The following KIRREL3 variants were observed in gnomAD, a reference collection of about 807,000 sequenced individuals.
The protein encoded by KIRREL3 is kin of IRRE-like protein 3.
KIRREL3 carries 36 observed loss-of-function variants against 89.7 expected under a neutral mutation model. The observed-to-expected ratio is 0.40, with a 90% CI of 0.31 to 0.53. KIRREL3 has a LOEUF of 0.53. KIRREL3 is among the 20% of genes least tolerant of loss of function. The pLI is 0.49. For missense variants in KIRREL3, 864 were observed against 1,056.6 expected, an observed-to-expected ratio of 0.82 and a Z score of 2.53; for synonymous variants, 445 against 441.4, an observed-to-expected ratio of 1.01 and a Z score of -0.10.
Position 126,987,618 on chromosome 11 carries a change from G to T in KIRREL3, c.55+12837C>A, listed in dbSNP as rs1591430917. 6.6e-6 allele frequency among the ~76,000 whole-genome samples: 1 copy of T among 152,174 alleles called. No individual in the cohort carries two copies. The highest frequency in any genetic ancestry group is 1.5e-5 in the Non-Finnish European group (1 of 68,030). ...GCTCATGCCCAGAGAAAGGAGCATT[G>T]ATATGGATTTGGAACCCAGGCATCA... On this transcript the variant is annotated intron_variant, in intron 1 of 16. Transcript: ENST00000525144. The surrounding 1 kb of genome is among the most constrained non-coding windows in gnomAD (Gnocchi z 4.6).
chr11:126,607,101 C>T lies in KIRREL3; in HGVS notation c.56-44189G>A, dbSNP rs558826738. On this transcript the variant is annotated intron_variant, in intron 1 of 16. Coordinates refer to ENST00000525144, the MANE Select transcript of KIRREL3 (RefSeq NM_032531.4). The surrounding 1 kb of genome is among the most constrained non-coding windows in gnomAD (Gnocchi z 6.6). ...GCCAAGAACCAACCACAGGGCTTGT[C>T]GTGGGGCTTATGAGTAGCTAGGGCC... 6.6e-6 allele frequency among the ~76,000 whole-genome samples: 1 copy of T among 152,252 alleles called. No individual in the cohort carries two copies. Among genetic ancestry groups the T allele is most frequent in the South Asian group, 2.1e-4 (1 of 4,818 alleles).
At chr11:126,887,197 T>A (rs576054127) in intron 1 of KIRREL3, among the ~76,000 whole-genome samples, 1 of 152,314 alleles carries the variant, frequency 6.6e-6, no homozygotes, top group African/African-American at 2.4e-5. Context: ...TGAGGTATCA[T>A]GTCATCTGCA....
rs1423194162 is a variant in KIRREL3, at chr11:126,450,378, CATGTGTGAGTGTGGGT to C, written c.849-1237_849-1222del. 6.4e-4 allele frequency among the ~76,000 whole-genome samples: 85 copies of C among 132,096 alleles called. No homozygotes were observed. In the East Asian group the frequency reaches 7.0e-3, roughly 11 times the overall value. 86.7% of individuals were successfully genotyped at this position (132,096 alleles called of 152,430 possible). ...GTGCATGTGTGCATGTGTGAGTGTG[CATGTGTGAGTGTGGGT>C]ATGTGTGAGTGTGTGCATGTGTGAG... On this transcript the variant is annotated intron_variant, in intron 7 of 16. Transcript: ENST00000525144.
chr11:126,572,706 G>T (rs1000428604), intron 1 of KIRREL3, among the ~76,000 whole-genome samples: 51 of 152,302 alleles, frequency 3.3e-4, no homozygotes, highest in African/African-American at 1.2e-3. Context: ...AGGCAGGGAG[G>T]TGGGGTGAGG....
rs755778195 is a variant in KIRREL3 at position 126,802,281 on chromosome 11, G to A, written c.55+198174C>T. Among the ~76,000 whole-genome samples the A allele has an allele frequency of 1.3e-5, 2 of 152,256 alleles. No individual in the cohort carries two copies. The highest frequency in any genetic ancestry group is 6.8e-3 in the Middle Eastern group (2 of 294). On this transcript the variant is annotated intron_variant, in intron 1 of 16. Coordinates refer to ENST00000525144, the MANE Select transcript of KIRREL3 (RefSeq NM_032531.4). The surrounding 1 kb of genome is among the most constrained non-coding windows in gnomAD (Gnocchi z 5.2). The stretch of plus-strand genomic sequence containing the variant: ...TCCAGGTGGAGTGGGCCATGGTCAA[G>A]GCAGGTGGGGGCAGAAACAAAGGAA...
In KIRREL3 at chr11:126,990,668, CCTCA is replaced by C. The variant is rs1950011286; in HGVS notation, c.55+9783_55+9786del. ...GCTCCTCTCTGCCTCCGCAGTTGCC[CCTCA>C]CTCAGGTGCAGCTTCCTATGTAAGA... is the stretch of plus-strand genomic sequence containing the variant. On this transcript the variant is annotated intron_variant, in intron 1 of 16. Coordinates refer to ENST00000525144, the MANE Select transcript of KIRREL3 (RefSeq NM_032531.4). The surrounding 1 kb of genome is among the most constrained non-coding windows in gnomAD (Gnocchi z 6.3). 5.3e-5 allele frequency among the ~76,000 whole-genome samples: 8 copies of C among 152,330 alleles called. No homozygotes were observed. In the South Asian group the frequency reaches 1.7e-3, roughly 32 times the overall value.
chr11:126,582,813 T>G (rs1254749480), intron 1 of KIRREL3, among the ~76,000 whole-genome samples: 2 of 94,996 alleles, frequency 2.1e-5, no homozygotes, highest in Non-Finnish European at 4.6e-5. Context: ...ACTGACGTAT[T>G]GAAGAAGTAC....
rs1948542127 is a variant in KIRREL3, at chr11:126,729,833, C to A, written c.56-166921G>T. On this transcript the variant is annotated intron_variant, in intron 1 of 16. Coordinates refer to ENST00000525144, the MANE Select transcript of KIRREL3 (RefSeq NM_032531.4). This position sits in a 1 kb window ranked among gnomAD's most constrained non-coding sequence, Gnocchi z 4.5. ...CACTAAGAGCACACCATGTTTGCTG[C>A]TTTTAACTGTTTCCAAATCCTTCTA... Among the ~76,000 whole-genome samples, 2 of 152,152 alleles carry A rather than the reference C, an allele frequency of 1.3e-5. No individual in the cohort carries two copies. The highest frequency in any genetic ancestry group is 4.8e-5 in the African/African-American group (2 of 41,410).
At chr11:126,859,537 C>T (rs1394999461) in intron 1 of KIRREL3, among the ~76,000 whole-genome samples, 11 of 152,120 alleles carry the variant, frequency 7.2e-5, no homozygotes, top group Admixed American at 7.2e-4. Context: ...GAGGAGGGGA[C>T]CCCCAAACTA....
At position 126,563,039 on chromosome 11, in the gene KIRREL3, T is replaced by C. The variant is rs1453867316; in HGVS notation, c.56-127A>G. 2.8e-5 allele frequency: 16 copies of C among 575,526 alleles called. 1 individual carries two copies. The East Asian group carries it at 4.6e-4, about 16-fold the overall frequency. 35.7% of individuals were successfully genotyped at this position (575,526 alleles called of 1,614,324 possible). A position where few individuals can be genotyped will look rare whatever the true frequency, so the allele number is the denominator to read the frequency against. Reference sequence around the variant, plus strand: ...AGAGGTGCTTTTGTTTAGCCAACATTTATATGGAAATTGTTATGTTCCAGG... The same window carrying C: ...AGAGGTGCTTTTGTTTAGCCAACATCTATATGGAAATTGTTATGTTCCAGG... On this transcript the variant is annotated intron_variant, in intron 1 of 16. Transcript: ENST00000525144. The surrounding 1 kb of genome is among the most constrained non-coding windows in gnomAD (Gnocchi z 6.8).
chr11:126,794,089 C>T (rs561848349), intron 1 of KIRREL3, among the ~76,000 whole-genome samples: 18 of 152,168 alleles, frequency 1.2e-4, no homozygotes, highest in African/African-American at 2.9e-4. Context: ...TGCTTTCTTA[C>T]GTTATTTAAA....
Position 126,526,788 on chromosome 11 carries a change from T to C in KIRREL3, c.134-101A>G. ...GCAGAGCAGGGCTGGCGCAGGAGAC[T>C]GAGCCTCCTGAAGCACCTGGCTTTC... On this transcript the variant is annotated intron_variant, in intron 2 of 16. Coordinates refer to ENST00000525144, the MANE Select transcript of KIRREL3 (RefSeq NM_032531.4). This position sits in a 1 kb window ranked among gnomAD's most constrained non-coding sequence, Gnocchi z 5.7. 6.2e-6 allele frequency: 8 copies of C among 1,287,006 alleles called. No individual in the cohort carries two copies. The highest frequency in any genetic ancestry group is 8.6e-6 in the Non-Finnish European group (8 of 930,090). The allele number at this position is 1,287,006 out of a possible 1,614,324, so 79.7% of individuals were successfully genotyped here.
At chr11:126,930,993 C>T (rs895587927) in intron 1 of KIRREL3, among the ~76,000 whole-genome samples, 3 of 152,216 alleles carry the variant, frequency 2.0e-5, no homozygotes, top group African/African-American at 7.2e-5. Flanking sequence ...TCGGTTCCCT[C>T]TGCCAGAATT....
At chr11:126,786,122 T>C (rs1445228040) in intron 1 of KIRREL3, among the ~76,000 whole-genome samples, 2 of 151,772 alleles carry the variant, frequency 1.3e-5, no homozygotes, top group Non-Finnish European at 2.9e-5. Flanking sequence ...TAAATCATGG[T>C]TCATAGACTT....
At position 126,981,702 on chromosome 11, in the gene KIRREL3, T is replaced by C. The variant is rs181169389; in HGVS notation, c.55+18753A>G. On this transcript the variant is annotated intron_variant, in intron 1 of 16. Coordinates refer to ENST00000525144, the MANE Select transcript of KIRREL3 (RefSeq NM_032531.4). The surrounding 1 kb of genome is among the most constrained non-coding windows in gnomAD (Gnocchi z 4.2). ...GGCTTTTATCAATGCACCCCCATCCTTGGAGTAGGTTCCTGAGCTTGGTGC... is the reference window on the plus strand; with the variant it reads ...GGCTTTTATCAATGCACCCCCATCCCTGGAGTAGGTTCCTGAGCTTGGTGC... Among the ~76,000 whole-genome samples, 28 of 152,294 alleles carry C rather than the reference T, an allele frequency of 1.8e-4. No individual in the cohort carries two copies. Among genetic ancestry groups the C allele is most frequent in the Middle Eastern group, 6.8e-3 (2 of 294 alleles).
intron 1 of KIRREL3, among the ~76,000 whole-genome samples, chr11:126,619,800 CTTAAG>C (rs1474782196): frequency 1.3e-5 from 2 of 152,180 alleles, no homozygotes; most frequent in African/African-American, 4.8e-5. Flanking sequence ...TCAAGAATTA[CTTAAG>C]TTATTTTTCG....
Position 126,486,301 on chromosome 11 carries a change from G to A in KIRREL3, c.434-12835C>T. Among the ~76,000 whole-genome samples, 1 of 152,168 alleles carries A rather than the reference G, an allele frequency of 6.6e-6. No individual in the cohort carries two copies. Among genetic ancestry groups the A allele is most frequent in the Non-Finnish European group, 1.5e-5 (1 of 68,032 alleles). ...AGAAGGGACAGTGGGGTGGGGGAGTGCATCAAACTGGAGAGAGGAAGGGGT... is the reference window on the plus strand; with the variant it reads ...AGAAGGGACAGTGGGGTGGGGGAGTACATCAAACTGGAGAGAGGAAGGGGT... On this transcript the variant is annotated intron_variant, in intron 4 of 16. Coordinates refer to ENST00000525144, the MANE Select transcript of KIRREL3 (RefSeq NM_032531.4). The surrounding 1 kb of genome is among the most constrained non-coding windows in gnomAD (Gnocchi z 6.2).
At chr11:126,858,986 G>A (rs1400523579) in intron 1 of KIRREL3, among the ~76,000 whole-genome samples, 2 of 152,206 alleles carry the variant, frequency 1.3e-5, no homozygotes, top group Non-Finnish European at 2.9e-5. Flanking sequence ...GCCGCTGAGG[G>A]ATGAGGACTC....
rs892010292 is a variant in KIRREL3, at chr11:126,892,852, C to T, written c.55+107603G>A. ...CTCAAGAGAGGACAAAAGAGAGGCT[C>T]GGGTAGAGCTTATCTAGTGGATGAA... is the stretch of plus-strand genomic sequence containing the variant. On this transcript the variant is annotated intron_variant, in intron 1 of 16. Coordinates refer to ENST00000525144, the MANE Select transcript of KIRREL3 (RefSeq NM_032531.4). This position sits in a 1 kb window ranked among gnomAD's most constrained non-coding sequence, Gnocchi z 5.4. Among the ~76,000 whole-genome samples, 2 of 152,164 alleles carry T rather than the reference C, an allele frequency of 1.3e-5. No individual in the cohort carries two copies. Among genetic ancestry groups the T allele is most frequent in the Admixed American group, 6.5e-5 (1 of 15,280 alleles).
Sources: gnomAD v4.1 joint callset for allele counts (sites outside exome capture counted in the v4.1 genomes callset) on GRCh38, gnomAD v4.1.1 for gene constraint, Gnocchi (gnomAD v3.1) non-coding constraint, MANE v1.5 for transcripts, NCBI Gene and HGNC (gene_info 2026-07-23, HGNC 2026-07-21) for gene names.